The following CPNE7 variants were observed in gnomAD, a reference collection of about 807,000 sequenced individuals.
CPNE7 encodes the protein copine 7.
A neutral mutation model predicts 66.5 loss-of-function variants in CPNE7; 78 were observed. The ratio of observed to expected loss-of-function variants is 1.17; its 90% CI spans 0.98 to 1.42. CPNE7 has a LOEUF of 1.42. Ranked by LOEUF, CPNE7 falls within the 40% of genes most tolerant of loss-of-function variation. The pLI is 0.00. For missense variants in CPNE7, 1,012 were observed against 776.6 expected, an observed-to-expected ratio of 1.30 and a Z score of -3.60; for synonymous variants, 468 against 336.7, an observed-to-expected ratio of 1.39 and a Z score of -4.27.
At chr16:89,581,892 A>T (rs1261176485) in intron 2 of CPNE7, among the ~76,000 whole-genome samples, 2 of 151,812 alleles carry the variant, frequency 1.3e-5, no homozygotes, top group African/African-American at 4.8e-5. Flanking sequence ...CGATCCACCC[A>T]CCCTGGGCTC....
At chr16:89,583,443 G>A in intron 2 of CPNE7, 1 of 1,550,368 alleles carries the variant, frequency 6.5e-7, no homozygotes, top group Non-Finnish European at 8.7e-7. Flanking sequence ...CTGGTAAATA[G>A]GTATGATGAC....
At chr16:89,587,920 ACCC>A (rs1348414397) in intron 9 of CPNE7, among the ~76,000 whole-genome samples, 21 of 45,512 alleles carry the variant, frequency 4.6e-4, no homozygotes, top group Non-Finnish European at 6.1e-4. Flanking sequence ...CCCCCGTGTC[ACCC>A]GCGTGTCACC....
Position 89,584,147 on chromosome 16 carries a change from G to A in CPNE7, c.507+45G>A, listed in dbSNP as rs2058999382. 2 of 1,578,250 alleles carry A rather than the reference G, an allele frequency of 1.3e-6. No homozygotes were observed. The highest frequency in any genetic ancestry group is 1.7e-6 in the Non-Finnish European group (2 of 1,161,352). Reference sequence around the variant, plus strand: ...ACGCCTGGCTCAGGCTGAGGTCCGGGAACCGGTTCGAAAACCCGGTCCCTG... The same window carrying A: ...ACGCCTGGCTCAGGCTGAGGTCCGGAAACCGGTTCGAAAACCCGGTCCCTG... On this transcript the variant is annotated intron_variant, in intron 4 of 14. Transcript: ENST00000319518. This position sits in a 1 kb window ranked among gnomAD's most constrained non-coding sequence, Gnocchi z 6.0.
At chr16:89,592,152 G>T (rs1456391663) in intron 13 of CPNE7, among the ~76,000 whole-genome samples, 5 of 149,538 alleles carry the variant, frequency 3.3e-5, no homozygotes, top group Non-Finnish European at 5.9e-5. Flanking sequence ...GGGACTACAG[G>T]CGCCCACCAT....
chr16:89,586,062 G>GTC (rs1372700239), intron 7 of CPNE7, among the ~76,000 whole-genome samples: 21 of 119,156 alleles, frequency 1.8e-4, no homozygotes, highest in East Asian at 7.9e-4. Context: ...GGGCAGGTGA[G>GTC]GGGGGCCTCT....
At chr16:89,583,373 G>A (rs539181727) in intron 2 of CPNE7, 2 of 1,431,788 alleles carry the variant, frequency 1.4e-6, no homozygotes, top group African/African-American at 1.4e-5. Flanking sequence ...CACCTGTGCA[G>A]GTGCAGGCCA....
Position 89,596,670 on chromosome 16 carries a change from CCT to C in CPNE7, c.*52_*53del. The C allele has an allele frequency of 1.3e-6, 2 of 1,503,176 alleles. No homozygotes were observed. The highest frequency in any genetic ancestry group is 1.8e-6 in the Non-Finnish European group (2 of 1,132,932). 93.1% of individuals were successfully genotyped at this position (1,503,176 alleles called of 1,614,324 possible). A position where few individuals can be genotyped will look rare whatever the true frequency, so the allele number is the denominator to read the frequency against. On this transcript the variant is annotated 3_prime_UTR_variant, in exon 15 of 15. Coordinates refer to ENST00000319518, the MANE Select transcript of CPNE7 (RefSeq NM_153636.3). ...GGCAGTGAGGAATGGGTCCGTACAG[CCT>C]CTGTCTGCAACATGCTTGGGGTCCC...
Position 89,577,536 on chromosome 16 carries a change from C to T in CPNE7, c.175-3C>T, listed in dbSNP as rs753293523. 5.2e-6 allele frequency: 8 copies of T among 1,550,994 alleles called. No individual in the cohort carries two copies. Among genetic ancestry groups the T allele is most frequent in the Middle Eastern group, 1.7e-4 (1 of 5,890 alleles). ...TGGGGTCGGCTCACAGGTGCACTTG[C>T]AGGTGGGCAGAACCGAGGTGGTCCG... On this transcript the variant is annotated splice_polypyrimidine_tract_variant and splice_region_variant and intron_variant, in intron 1 of 14. Coordinates refer to ENST00000319518, the MANE Select transcript of CPNE7 (RefSeq NM_153636.3).
intron 10 of CPNE7, among the ~76,000 whole-genome samples, chr16:89,589,385 C>G (rs893180659): frequency 6.6e-6 from 1 of 152,228 alleles, no homozygotes; most frequent in African/African-American, 2.4e-5. Flanking sequence ...GTCTGTGTCC[C>G]GCTTTGCCAG....
intron 2 of CPNE7, chr16:89,578,780 A>T (rs1466321289): frequency 7.2e-7 from 1 of 1,383,190 alleles, no homozygotes; most frequent in Non-Finnish European, 9.4e-7. Flanking sequence ...AAAAAAAAAG[A>T]AGCCTCCTTG....
At chr16:89,589,976 C>T (rs753432931) in intron 11 of CPNE7, 25 bp downstream of exon 11, 2 of 1,612,682 alleles carry the variant, frequency 1.2e-6, no homozygotes, top group African/African-American at 1.3e-5. Context: ...AACCTGAGAC[C>T]TCAGAGCTGT....
chr16:89,590,296 G>T (rs187746284), intron 11 of CPNE7, among the ~76,000 whole-genome samples: 1 of 152,150 alleles, frequency 6.6e-6, no homozygotes, highest in East Asian at 1.9e-4. Flanking sequence ...AGGCCGAGGC[G>T]GGCCGATTAC....
chr16:89,594,509 TG>T (rs1228367107), intron 13 of CPNE7, among the ~76,000 whole-genome samples: 1 of 152,092 alleles, frequency 6.6e-6, no homozygotes, highest in Non-Finnish European at 1.5e-5. Context: ...GAGGCTGCTG[TG>T]GGCTCCCGCT....
At chr16:89,596,272 C>T (rs1157447378) in intron 14 of CPNE7, among the ~76,000 whole-genome samples, 1 of 152,250 alleles carries the variant, frequency 6.6e-6, no homozygotes, top group African/African-American at 2.4e-5. Flanking sequence ...CACTTTTCAT[C>T]TCCGTGCTTG....
chr16:89,584,893 G>A lies in CPNE7; in HGVS notation c.591+36G>A. ...GGGGATGGGAACACAGGGAGGGGAA[G>A]GGGCTGTCCCCAGCCCTCACGCATC... is the stretch of plus-strand genomic sequence containing the variant. On this transcript the variant is annotated intron_variant, in intron 5 of 14. Coordinates refer to ENST00000319518, the MANE Select transcript of CPNE7 (RefSeq NM_153636.3). This position sits in a 1 kb window ranked among gnomAD's most constrained non-coding sequence, Gnocchi z 6.0. 2 of 1,572,884 alleles carry A rather than the reference G, an allele frequency of 1.3e-6. No homozygotes were observed. The highest frequency in any genetic ancestry group is 1.7e-6 in the Non-Finnish European group (2 of 1,144,832).
intron 5 of CPNE7, among the ~76,000 whole-genome samples, chr16:89,585,238 C>G (rs539016122): frequency 1.2e-4 from 19 of 152,196 alleles, no homozygotes; most frequent in Admixed American, 7.2e-4. Flanking sequence ...GCAGAAGTTA[C>G]GAAGGTGGAG....
Position 89,585,476 on chromosome 16 carries a change from A to C in CPNE7, c.604A>C (p.Asn202His). Residue 202 changes from asparagine to histidine, a missense_variant, in exon 6 of 15, where the codon AAC becomes CAC. By Grantham distance (68) the Asn-to-His change is moderately conservative. Transcript: ENST00000319518. ...TCCCGGCCCACAGGTGGTGAAGAACAACCTGAACCCGGTGTGGGAGGCCTT... is the reference window on the plus strand; with the variant it reads ...TCCCGGCCCACAGGTGGTGAAGAACCACCTGAACCCGGTGTGGGAGGCCTT... Reference protein sequence around the residue: ...LVYRTEVVKNNLNPVWEAFKV... With the variant: ...LVYRTEVVKNHLNPVWEAFKV... 6.2e-7 allele frequency: 1 copy of C among 1,611,572 alleles called. No homozygotes were observed. The highest frequency in any genetic ancestry group is 8.5e-7 in the Non-Finnish European group (1 of 1,179,138).
Position 89,584,871 on chromosome 16 carries a change from G to A in CPNE7, c.591+14G>A. 1 of 1,611,086 alleles carries A rather than the reference G, an allele frequency of 6.2e-7. No homozygotes were observed. The highest frequency in any genetic ancestry group is 8.5e-7 in the Non-Finnish European group (1 of 1,178,290). On this transcript the variant is annotated intron_variant, in intron 5 of 14. Coordinates refer to ENST00000319518, the MANE Select transcript of CPNE7 (RefSeq NM_153636.3). The surrounding 1 kb of genome is among the most constrained non-coding windows in gnomAD (Gnocchi z 6.0). ...TACAGGACGGAGGTGAGCGGCCGGG[G>A]ATGGGAACACAGGGAGGGGAAGGGG...
intron 9 of CPNE7, among the ~76,000 whole-genome samples, chr16:89,588,212 C>CACCCACAGATACACGGCCCCCCGTGTT (rs1567961862): frequency 1.4e-5 from 2 of 144,238 alleles, no homozygotes; most frequent in African/African-American, 5.3e-5. Context: ...ACCCGCGTGT[C>CACCCACAGATACACGGCCCCCCGTGTT]ACCCACAGAT....
Sources: allele counts gnomAD v4.1 joint callset (sites outside exome capture counted in the v4.1 genomes callset), GRCh38; gene constraint gnomAD v4.1.1; non-coding constraint Gnocchi (gnomAD v3.1); transcripts MANE v1.5; gene names NCBI Gene and HGNC (gene_info 2026-07-23, HGNC 2026-07-21).